FIRRM: variants seen among roughly 807,000 people sequenced by gnomAD.
The protein encoded by FIRRM is FIGNL1 interacting regulator of recombination and mitosis, also known as FIGNL1-interacting regulator of recombination and mitosis.
At chr1:169,842,358 C>A in the FIRRM span, 2 of 1,548,626 alleles carry the variant, frequency 1.3e-6, no homozygotes, top group South Asian at 2.5e-5. Context: ...TAAGTCGGCT[C>A]TTGGTGGTGC....
At chr1:169,795,401 TTAAG>T in the FIRRM span, 2 of 1,409,410 alleles carry the variant, frequency 1.4e-6, no homozygotes, top group East Asian at 2.6e-5. Context: ...CGTGGTAGAT[TTAAG>T]TAAGGCTTTG....
At chr1:169,848,386 A>T in the FIRRM span, among the ~76,000 whole-genome samples, 1 of 152,184 alleles carries the variant, frequency 6.6e-6, no homozygotes. Flanking sequence ...CTTCCTTATT[A>T]CTATAGTCAA....
the FIRRM span, chr1:169,793,050 G>C: frequency 6.2e-7 from 1 of 1,614,092 alleles, no homozygotes; most frequent in Non-Finnish European, 8.5e-7. Context: ...TTATAATCTT[G>C]AAAGTGAATT....
chr1:169,819,255 T>G, the FIRRM span, among the ~76,000 whole-genome samples: 3 of 152,332 alleles, frequency 2.0e-5, no homozygotes, highest in African/African-American at 7.2e-5. Flanking sequence ...AGCCCATCAC[T>G]CATGGGAGTT....
chr1:169,788,442 G>A, the FIRRM span, among the ~76,000 whole-genome samples: 1 of 152,098 alleles, frequency 6.6e-6, no homozygotes, highest in African/African-American at 2.4e-5. Flanking sequence ...TTAATTTATT[G>A]TTAAGAATAC....
chr1:169,836,217 G>C, the FIRRM span, among the ~76,000 whole-genome samples: 1 of 152,012 alleles, frequency 6.6e-6, no homozygotes. Flanking sequence ...TGCAGCATTG[G>C]TTTTTACCAT....
chr1:169,824,473 C>T, the FIRRM span, among the ~76,000 whole-genome samples: 15 of 152,298 alleles, frequency 9.8e-5, no homozygotes, highest in East Asian at 2.7e-3. Context: ...CGTCCTCCTA[C>T]AAATACCGTC....
the FIRRM span, chr1:169,843,864 C>T: frequency 1.4e-6 from 1 of 724,388 alleles, no homozygotes; most frequent in East Asian, 2.7e-5. Flanking sequence ...TTCCTTTAAA[C>T]CTCCTCTTGT....
At chr1:169,851,251 GAATT>G in the FIRRM span, 2 of 152,542 alleles carry the variant, frequency 1.3e-5, no homozygotes, top group African/African-American at 4.9e-5. Context: ...AGGAGAAACT[GAATT>G]ATTTGATATA....
the FIRRM span, among the ~76,000 whole-genome samples, chr1:169,818,723 G>T: frequency 1.3e-5 from 2 of 152,122 alleles, no homozygotes; most frequent in African/African-American, 4.8e-5. Context: ...GTCTTGCTCT[G>T]TTGCCCATGC....
the FIRRM span, chr1:169,830,363 G>A: frequency 3.7e-6 from 6 of 1,600,614 alleles, no homozygotes; most frequent in Admixed American, 1.0e-4. Flanking sequence ...TTGCTTTTTT[G>A]TTCTTTGGAT....
the FIRRM span, chr1:169,793,099 A>G: frequency 1.2e-6 from 2 of 1,614,162 alleles, no homozygotes; most frequent in Non-Finnish European, 8.5e-7. Flanking sequence ...TACCTAGTAA[A>G]CCTGATCCAC....
the FIRRM span, chr1:169,847,634 G>A: frequency 8.0e-7 from 1 of 1,247,772 alleles, no homozygotes; most frequent in Non-Finnish European, 1.2e-6. Context: ...CAGTTATTGT[G>A]TCTGTACAAA....
the FIRRM span, chr1:169,850,456 C>T: frequency 1.9e-5 from 14 of 727,402 alleles, no homozygotes; most frequent in South Asian, 2.4e-4. Context: ...TTTCACAGTG[C>T]TGAGCACAGT....
the FIRRM span, among the ~76,000 whole-genome samples, chr1:169,831,945 A>G: frequency 3.3e-5 from 5 of 152,076 alleles, no homozygotes; most frequent in African/African-American, 9.7e-5. Context: ...TTTTGTGGAT[A>G]TGGAGTTCTT....
the FIRRM span, among the ~76,000 whole-genome samples, chr1:169,831,270 A>C: frequency 6.6e-6 from 1 of 152,216 alleles, no homozygotes; most frequent in Non-Finnish European, 1.5e-5. Flanking sequence ...TCTTAACATT[A>C]ACATTTTTTG....
the FIRRM span, among the ~76,000 whole-genome samples, chr1:169,805,165 A>G: frequency 6.6e-6 from 1 of 152,256 alleles, no homozygotes; most frequent in African/African-American, 2.4e-5. Flanking sequence ...GCTCTGCAAC[A>G]CACCACCTCA....
chr1:169,833,881 C>T, the FIRRM span, among the ~76,000 whole-genome samples: 4 of 114,838 alleles, frequency 3.5e-5, no homozygotes, highest in African/African-American at 1.4e-4. Flanking sequence ...TAAATAGAGA[C>T]AGGGTCTGGT....
chr1:169,820,637 C>T, the FIRRM span, among the ~76,000 whole-genome samples: 2 of 152,270 alleles, frequency 1.3e-5, no homozygotes, highest in East Asian at 3.9e-4. Flanking sequence ...GCGTTTAAAC[C>T]CACCCTGTCT....
Sources: allele counts gnomAD v4.1 joint callset (sites outside exome capture counted in the v4.1 genomes callset), GRCh38; gene constraint gnomAD v4.1.1; transcripts MANE v1.5; gene names NCBI Gene and HGNC (gene_info 2026-07-23, HGNC 2026-07-21).